The following PTPRG variants were observed in gnomAD, a reference collection of about 807,000 sequenced individuals.
PTPRG encodes receptor-type tyrosine-protein phosphatase gamma.
A neutral mutation model predicts 165.3 loss-of-function variants in PTPRG; 102 were observed. The ratio of observed to expected loss-of-function variants is 0.62; its 90% CI spans 0.53 to 0.73. The LOEUF (loss-of-function observed/expected upper bound fraction) is 0.73, where lower values mean the gene tolerates loss of function less well. Among genes scored for constraint, PTPRG ranks in the 30% least tolerant of loss-of-function variants. The pLI, the probability that PTPRG is intolerant of heterozygous loss-of-function variation, is 0.00. For synonymous variants in PTPRG, 675 were observed against 669.5 expected (o/e 1.01, Z -0.13); for missense variants, 1,866 against 1,861.4 (o/e 1.00, Z -0.05).
chr3:62,113,068 A>G lies in PTPRG; in HGVS notation c.616-19534A>G, dbSNP rs377553925. ...TGAGAGATGATTTAACTTTGGGCCTATTTGGGAAACCAGCTTCTTAGGTTT... is the reference window on the plus strand; with the variant it reads ...TGAGAGATGATTTAACTTTGGGCCTGTTTGGGAAACCAGCTTCTTAGGTTT... On this transcript the variant is annotated intron_variant, in intron 5 of 29. Coordinates refer to ENST00000474889, the MANE Select transcript of PTPRG (RefSeq NM_002841.4). Among the ~76,000 whole-genome samples, 25 of 152,318 alleles carry G rather than the reference A, an allele frequency of 1.6e-4. No homozygotes were observed. The East Asian group carries it at 3.3e-3, about 20-fold the overall frequency.
intron 2 of PTPRG, among the ~76,000 whole-genome samples, chr3:61,928,996 C>T (rs547073908): frequency 5.5e-4 from 83 of 152,174 alleles, no homozygotes; most frequent in Admixed American, 9.2e-4. Context: ...GAGTAGAGGC[C>T]GGGGATGCCA....
chr3:62,232,659 T>TG (rs1206398054), intron 14 of PTPRG, among the ~76,000 whole-genome samples: 1 of 152,234 alleles, frequency 6.6e-6, no homozygotes, highest in Non-Finnish European at 1.5e-5. Context: ...ATTTCTTTTA[T>TG]GTACTTCGAC....
chr3:61,899,685 C>A (rs1425448642), intron 2 of PTPRG, among the ~76,000 whole-genome samples: 1 of 152,134 alleles, frequency 6.6e-6, no homozygotes, highest in Non-Finnish European at 1.5e-5. Context: ...TTTTCAGAAC[C>A]TGTTTGTGGA....
intron 2 of PTPRG, among the ~76,000 whole-genome samples, chr3:61,896,353 C>A (rs1458039595): frequency 1.3e-5 from 2 of 152,102 alleles, no homozygotes; most frequent in African/African-American, 4.8e-5. Flanking sequence ...TGGAATAATT[C>A]TCGGGAACTC....
chr3:61,692,649 C>T (rs62244418), intron 1 of PTPRG, among the ~76,000 whole-genome samples: 13,001 of 152,032 alleles, frequency 0.086, 749 homozygotes, highest in East Asian at 0.19. Flanking sequence ...TGTTCTCTGG[C>T]AGGCAAGAGT....
Position 61,989,253 on chromosome 3 carries a change from T to C in PTPRG, c.191-372T>C, listed in dbSNP as rs955467537. 1.1e-4 allele frequency among the ~76,000 whole-genome samples: 17 copies of C among 152,192 alleles called. 1 individual carries two copies. Among genetic ancestry groups the C allele is most frequent in the Admixed American group, 6.5e-4 (10 of 15,280 alleles). Reference sequence around the variant, plus strand: ...GTTGTATTTAGGATATTGCCCACAATAGCAAAACATGCTAACTCGATCAAG... The same window carrying C: ...GTTGTATTTAGGATATTGCCCACAACAGCAAAACATGCTAACTCGATCAAG... On this transcript the variant is annotated intron_variant, in intron 2 of 29. Transcript: ENST00000474889.
chr3:62,137,715 A>C (rs748691450), intron 6 of PTPRG, among the ~76,000 whole-genome samples: 2 of 151,988 alleles, frequency 1.3e-5, no homozygotes, highest in Non-Finnish European at 2.9e-5. Context: ...TCTCAGTCCA[A>C]CCACTGAGCT....
chr3:62,050,908 A>G (rs989378412), intron 4 of PTPRG, among the ~76,000 whole-genome samples: 1 of 152,204 alleles, frequency 6.6e-6, no homozygotes, highest in African/African-American at 2.4e-5. Flanking sequence ...ATATTTCCGG[A>G]AAGTTCTCTA....
At chr3:61,746,054 T>C (rs925115875) in intron 1 of PTPRG, among the ~76,000 whole-genome samples, 1 of 25,764 alleles carries the variant, frequency 3.9e-5, no homozygotes, top group Non-Finnish European at 1.3e-4. Flanking sequence ...TCTTTTCTTT[T>C]TTTTTTTTTT....
At chr3:61,797,264 C>G (rs991997368) in intron 2 of PTPRG, among the ~76,000 whole-genome samples, 3 of 152,140 alleles carry the variant, frequency 2.0e-5, no homozygotes, top group Non-Finnish European at 4.4e-5. Context: ...TTTAATATCT[C>G]TGAAATCGGA....
Position 62,127,352 on chromosome 3 carries a change from A to AG in PTPRG, c.616-5248dup, listed in dbSNP as rs1374974684. ...TGGCTCTTTAGGTAAGAGCCACGGAAGGAGGGGAGATTCAGATGTGAAATC... is the reference window on the plus strand; with the variant it reads ...TGGCTCTTTAGGTAAGAGCCACGGAAGGGAGGGGAGATTCAGATGTGAAATC... On this transcript the variant is annotated intron_variant, in intron 5 of 29. Coordinates refer to ENST00000474889, the MANE Select transcript of PTPRG (RefSeq NM_002841.4). 3.3e-5 allele frequency among the ~76,000 whole-genome samples: 5 copies of AG among 152,338 alleles called. No homozygotes were observed. The East Asian group carries it at 9.6e-4, about 29-fold the overall frequency.
chr3:61,682,708 GT>G (rs1174285931), intron 1 of PTPRG, among the ~76,000 whole-genome samples: 1 of 152,154 alleles, frequency 6.6e-6, no homozygotes, highest in African/African-American at 2.4e-5. Context: ...TGACCCTGCT[GT>G]TTTGTTTCCA....
intron 6 of PTPRG, among the ~76,000 whole-genome samples, chr3:62,153,493 T>C (rs917294494): frequency 1.3e-5 from 2 of 152,310 alleles, no homozygotes; most frequent in African/African-American, 2.4e-5. Context: ...TAACCTAGAC[T>C]GCTCATGCTG....
At chr3:62,247,329 G>A (rs1304023150) in intron 15 of PTPRG, among the ~76,000 whole-genome samples, 1 of 152,102 alleles carries the variant, frequency 6.6e-6, no homozygotes, top group Non-Finnish European at 1.5e-5. Flanking sequence ...GACTGTAACA[G>A]TTTTCATATC....
intron 2 of PTPRG, among the ~76,000 whole-genome samples, chr3:61,856,608 T>G (rs1199276706): frequency 6.6e-6 from 1 of 152,218 alleles, no homozygotes; most frequent in Admixed American, 6.5e-5. Flanking sequence ...TCTGCACTGT[T>G]TATAAATATA....
At chr3:61,786,814 G>A (rs1429440432) in intron 2 of PTPRG, among the ~76,000 whole-genome samples, 2 of 152,126 alleles carry the variant, frequency 1.3e-5, no homozygotes, top group African/African-American at 4.8e-5. Context: ...CTAAATTTGA[G>A]GAAAATTAGC....
At chr3:62,134,310 G>C (rs1008085232) in intron 6 of PTPRG, among the ~76,000 whole-genome samples, 2 of 152,158 alleles carry the variant, frequency 1.3e-5, no homozygotes, top group Admixed American at 1.3e-4. Flanking sequence ...TATTCATTCA[G>C]CAGAAATATA....
intron 1 of PTPRG, among the ~76,000 whole-genome samples, chr3:61,667,876 G>T (rs910051912): frequency 2.0e-5 from 3 of 151,970 alleles, no homozygotes; most frequent in Non-Finnish European, 4.4e-5. Flanking sequence ...CAAGACCAGG[G>T]ATTGGCAAAC....
At chr3:61,592,363 A>G (rs1350213872) in intron 1 of PTPRG, among the ~76,000 whole-genome samples, 3 of 152,100 alleles carry the variant, frequency 2.0e-5, no homozygotes, top group Non-Finnish European at 2.9e-5. Context: ...CAGAGCAAGT[A>G]TGGCCTAGAA....
Sources: allele counts gnomAD v4.1 joint callset (sites outside exome capture counted in the v4.1 genomes callset), GRCh38; gene constraint gnomAD v4.1.1; transcripts MANE v1.5; gene names NCBI Gene and HGNC (gene_info 2026-07-23, HGNC 2026-07-21).